Variants in PDE3B observed in about 807,000 individuals in gnomAD.
The protein encoded by PDE3B is phosphodiesterase 3B.
PDE3B carries 66 observed loss-of-function variants against 116.8 expected under a neutral mutation model. The observed-to-expected ratio is 0.56, with a 90% CI of 0.46 to 0.69. The LOEUF (loss-of-function observed/expected upper bound fraction) is 0.69, where lower values mean the gene tolerates loss of function less well. Among genes scored for constraint, PDE3B ranks in the 30% least tolerant of loss-of-function variants. The pLI, the probability that PDE3B is intolerant of heterozygous loss-of-function variation, is 0.00. For missense variants in PDE3B, 1,384 were observed against 1,368.1 expected, an observed-to-expected ratio of 1.01 and a Z score of -0.18; for synonymous variants, 595 against 533.6, an observed-to-expected ratio of 1.12 and a Z score of -1.59.
chr11:14,886,427 A>C, the PDE3B span: 1 of 159,416 alleles, frequency 6.3e-6, no homozygotes, highest in Non-Finnish European at 1.4e-5. Context: ...TATTGTAACT[A>C]AGCCCATTTG....
At chr11:14,878,146 G>A in the PDE3B span, 27 of 1,613,078 alleles carry the variant, frequency 1.7e-5, no homozygotes, top group Admixed American at 4.2e-4. Context: ...CACAGATGAG[G>A]TAGGGTTGGG....
chr11:14,875,154 A>C (rs1848178401), downstream of PDE3B, among the ~76,000 whole-genome samples: 1 of 152,048 alleles, frequency 6.6e-6, no homozygotes, highest in Non-Finnish European at 1.5e-5. Context: ...AATCTGCTTG[A>C]TTTCTTTCCA....
intron 12 of PDE3B, among the ~76,000 whole-genome samples, chr11:14,848,604 C>G (rs1247823019): frequency 6.6e-6 from 1 of 152,096 alleles, no homozygotes; most frequent in Non-Finnish European, 1.5e-5. Flanking sequence ...TGTCTCAGCC[C>G]AAAATCTCCT....
Position 14,871,325 on chromosome 11 carries a change from C to A in PDE3B, c.*1665C>A, listed in dbSNP as rs1196459701. 1 of 152,110 alleles carries A rather than the reference C, an allele frequency of 6.6e-6. No homozygotes were observed. Among genetic ancestry groups the A allele is most frequent in the Non-Finnish European group, 1.5e-5 (1 of 67,990 alleles). The allele number at this position is 152,110 out of a possible 1,614,324, so 9.4% of individuals were successfully genotyped here. On this transcript the variant is annotated 3_prime_UTR_variant, in exon 16 of 16. Transcript: ENST00000282096. ...ACCATTGTCACACACTATGTGTAAACCAGTCCCACCACTTATTACTAATAA... is the reference window on the plus strand; with the variant it reads ...ACCATTGTCACACACTATGTGTAAAACAGTCCCACCACTTATTACTAATAA...
At chr11:14,880,176 C>T in the PDE3B span, 10 of 1,612,870 alleles carry the variant, frequency 6.2e-6, no homozygotes, top group Admixed American at 1.7e-5. Flanking sequence ...GAATCGCCCA[C>T]CGTAGCACAT....
the PDE3B span, among the ~76,000 whole-genome samples, chr11:14,897,410 G>A: frequency 1.3e-5 from 2 of 152,166 alleles, no homozygotes; most frequent in African/African-American, 2.4e-5. Flanking sequence ...GAAACAAGAA[G>A]AGAGTGATCT....
chr11:14,681,976 C>G (rs1854723998), intron 1 of PDE3B, among the ~76,000 whole-genome samples: 1 of 151,996 alleles, frequency 6.6e-6, no homozygotes, highest in Non-Finnish European at 1.5e-5. Context: ...CATAAACAGT[C>G]AATTAGCACA....
At chr11:14,762,154 C>CTTTT (rs750202417) in intron 1 of PDE3B, among the ~76,000 whole-genome samples, 4 of 143,756 alleles carry the variant, frequency 2.8e-5, no homozygotes, top group Non-Finnish European at 6.1e-5. Context: ...GGATTTTATA[C>CTTTT]TTTTTTTTTT....
intron 12 of PDE3B, among the ~76,000 whole-genome samples, chr11:14,845,328 A>G (rs1237251688): frequency 1.3e-5 from 2 of 151,802 alleles, no homozygotes; most frequent in African/African-American, 4.8e-5. Context: ...CCACACCAAA[A>G]ACCCATCTGT....
At chr11:14,817,687 G>A (rs1859377180) in intron 5 of PDE3B, among the ~76,000 whole-genome samples, 1 of 152,106 alleles carries the variant, frequency 6.6e-6, no homozygotes. Context: ...AGTGAGCCAT[G>A]ATTGTGCCAC....
At chr11:14,767,702 T>G (rs1192659468) in intron 1 of PDE3B, among the ~76,000 whole-genome samples, 1 of 151,408 alleles carries the variant, frequency 6.6e-6, no homozygotes, top group Non-Finnish European at 1.5e-5. Flanking sequence ...ATAATGAGAT[T>G]TCTGCGGAAA....
chr11:14,674,295 C>G, intron 1 of PDE3B: 2 of 1,049,886 alleles, frequency 1.9e-6, no homozygotes, highest in South Asian at 2.5e-5. Context: ...CTATCGTCTT[C>G]CCCTCTGCAT....
chr11:14,700,882 C>G (rs1219316112), intron 1 of PDE3B: 1 of 151,786 alleles, frequency 6.6e-6, no homozygotes, highest in African/African-American at 2.4e-5. Flanking sequence ...AATATACTTA[C>G]ATTAGGTATC....
At chr11:14,674,542 T>A (rs1002250988) in intron 1 of PDE3B, 4 of 463,456 alleles carry the variant, frequency 8.6e-6, no homozygotes, top group Non-Finnish European at 1.7e-5. Flanking sequence ...CTTTGGGTCC[T>A]GTTTTGAAGC....
the PDE3B span, among the ~76,000 whole-genome samples, chr11:14,879,934 T>C: frequency 2.6e-5 from 4 of 152,118 alleles, no homozygotes; most frequent in Admixed American, 6.6e-5. Context: ...ATGGGCATAA[T>C]AAGACCTCTT....
chr11:14,884,884 A>G, the PDE3B span, among the ~76,000 whole-genome samples: 1 of 152,030 alleles, frequency 6.6e-6, no homozygotes, highest in African/African-American at 2.4e-5. Context: ...AAGGTCTATT[A>G]TAATTGTGGC....
the PDE3B span, among the ~76,000 whole-genome samples, chr11:14,889,210 A>G: frequency 6.6e-6 from 1 of 151,502 alleles, no homozygotes; most frequent in South Asian, 2.1e-4. Context: ...TTTAAAAGAC[A>G]GTGGAAAACT....
intron 1 of PDE3B, among the ~76,000 whole-genome samples, chr11:14,769,211 G>C (rs929017276): frequency 1.3e-4 from 19 of 151,364 alleles, no homozygotes; most frequent in African/African-American, 2.4e-5. Flanking sequence ...TTTATTGAGG[G>C]AGATGGTCTG....
chr11:14,789,282 G>C (rs1858313261), intron 4 of PDE3B, 40 bp downstream of exon 4: 1 of 1,509,820 alleles, frequency 6.6e-7, no homozygotes, highest in South Asian at 1.2e-5. Flanking sequence ...TGAATCAAAT[G>C]CATCTACTTT....
Sources: gnomAD v4.1 joint callset for allele counts (sites outside exome capture counted in the v4.1 genomes callset) on GRCh38, gnomAD v4.1.1 for gene constraint, MANE v1.5 for transcripts, NCBI Gene and HGNC (gene_info 2026-07-23, HGNC 2026-07-21) for gene names.